Variants in GON4L observed in about 807,000 individuals in gnomAD.
GON4L encodes GON-4-like protein.
Under a neutral mutation model 211.8 loss-of-function variants are expected in GON4L, and 87 were observed. The observed-to-expected ratio is 0.41, with a 90% confidence interval of 0.35 to 0.49. The LOEUF (loss-of-function observed/expected upper bound fraction) is 0.49, where lower values mean the gene tolerates loss of function less well. Among genes scored for constraint, GON4L ranks in the 20% least tolerant of loss-of-function variants. GON4L has a pLI of 0.15. For missense variants in GON4L, 2,155 were observed against 2,659.5 expected (o/e 0.81, Z 4.17); for synonymous variants, 875 against 962.6 (o/e 0.91, Z 1.68).
chr1:155,856,179 C>CT (rs1249419129), intron 1 of GON4L, among the ~76,000 whole-genome samples: 1 of 151,912 alleles, frequency 6.6e-6, no homozygotes, highest in Non-Finnish European at 1.5e-5. Flanking sequence ...ATTTGTAACT[C>CT]TAAGCGTCTA....
At chr1:155,857,030 CTT>C (rs1187371945) in intron 1 of GON4L, 115 bp downstream of exon 1, 1 of 152,586 alleles carries the variant, frequency 6.6e-6, no homozygotes, top group Non-Finnish European at 1.5e-5. Flanking sequence ...ACTTCACGCC[CTT>C]AACTTCCGCC....
intron 1 of GON4L, 140 bp downstream of exon 1, chr1:155,857,007 A>T (rs1017083829): frequency 1.3e-5 from 2 of 152,364 alleles, no homozygotes; most frequent in Non-Finnish European, 2.9e-5. Context: ...CCCCATTCCC[A>T]ACTAGACACT....
intron 1 of GON4L, among the ~76,000 whole-genome samples, chr1:155,855,498 G>T (rs771166588): frequency 4.1e-4 from 62 of 151,952 alleles, no homozygotes; most frequent in Admixed American, 1.8e-3. Context: ...TTGGGATTAC[G>T]GTCCCATCCA....
intron 3 of GON4L, among the ~76,000 whole-genome samples, chr1:155,825,346 G>A (rs894425974): frequency 6.6e-6 from 1 of 151,766 alleles, no homozygotes; most frequent in Non-Finnish European, 1.5e-5. Context: ...GCCGAGGCGG[G>A]CAGATCACCT....
At chr1:155,851,579 G>A (rs1043949291) in intron 2 of GON4L, among the ~76,000 whole-genome samples, 4 of 151,790 alleles carry the variant, frequency 2.6e-5, no homozygotes, top group African/African-American at 4.8e-5. Context: ...AGCTGAGCAC[G>A]GTGGCGGGCG....
At chr1:155,745,608 C>T (rs1366950900), downstream of GON4L, among the ~76,000 whole-genome samples, 1 of 152,210 alleles carries the variant, frequency 6.6e-6, no homozygotes, top group African/African-American at 2.4e-5. Flanking sequence ...CGGCGTGGCC[C>T]GTGGAGCCCC....
intron 16 of GON4L, 135 bp from the exon 17 acceptor site, chr1:155,775,308 C>T (rs1663668146): frequency 2.7e-6 from 3 of 1,130,212 alleles, no homozygotes; most frequent in Admixed American, 2.0e-5. Context: ...AAGTCTTTCA[C>T]AATAAACTAC....
chr1:155,802,461 G>C lies in GON4L; in HGVS notation c.1645+2488C>G, dbSNP rs541637263. ...GAATCCAGCATATAGAGTATATCAT[G>C]TCACTTCTACTCAGATGCCTTCTCT... On this transcript the variant is annotated intron_variant, in intron 11 of 31. Coordinates refer to ENST00000368331, the MANE Select transcript of GON4L (RefSeq NM_001282860.2). Among the ~76,000 whole-genome samples the C allele has an allele frequency of 6.3e-4, 96 of 152,278 alleles. 1 individual carries two copies. Among genetic ancestry groups the C allele is most frequent in the African/African-American group, 2.3e-3 (95 of 41,560 alleles).
At chr1:155,828,889 G>A (rs1438441729) in intron 2 of GON4L, among the ~76,000 whole-genome samples, 1 of 151,582 alleles carries the variant, frequency 6.6e-6, no homozygotes, top group African/African-American at 2.4e-5. Flanking sequence ...GAAAATCCCT[G>A]GACTATACAC....
intron 19 of GON4L, 133 bp from the exon 20 acceptor site, chr1:155,767,674 C>T (rs1557839931): frequency 3.1e-6 from 5 of 1,588,286 alleles, no homozygotes; most frequent in East Asian, 2.2e-5. Flanking sequence ...AGACCACATA[C>T]ACAAACATCC....
intron 2 of GON4L, among the ~76,000 whole-genome samples, chr1:155,832,654 A>G (rs1376165070): frequency 2.0e-5 from 3 of 152,162 alleles, no homozygotes; most frequent in Non-Finnish European, 4.4e-5. Flanking sequence ...CAAACAAACA[A>G]ACAAACAATA....
chr1:155,776,259 C>T (rs1663806862), intron 16 of GON4L, 136 bp downstream of exon 16: 3 of 753,760 alleles, frequency 4.0e-6, no homozygotes, highest in South Asian at 1.5e-5. Context: ...GAAGCCTTAA[C>T]AGAAAGCAGG....
At chr1:155,799,296 T>G (rs982200839) in intron 11 of GON4L, among the ~76,000 whole-genome samples, 2 of 152,142 alleles carry the variant, frequency 1.3e-5, no homozygotes, top group African/African-American at 4.8e-5. Context: ...TAGCTGGGTA[T>G]GGTGGCATGT....
rs1662412585 is a variant in GON4L at position 155,765,942 on chromosome 1, A to T, written c.3531T>A (p.Thr1177=). 1.2e-6 allele frequency: 2 copies of T among 1,614,082 alleles called. No individual in the cohort carries two copies. Among genetic ancestry groups the T allele is most frequent in the African/African-American group, 1.3e-5 (1 of 74,932 alleles). The change falls in exon 21 of 32, where the codon ACT becomes ACA. Residue 1177 remains threonine, a synonymous_variant. Coordinates refer to ENST00000368331, the MANE Select transcript of GON4L (RefSeq NM_001282860.2). Reference sequence around the variant, plus strand: ...TAACCAAGAGGGTAGTGATGGGAATAGTCTGGGGACTCTGGGCCACAGCCG... The same window carrying T: ...TAACCAAGAGGGTAGTGATGGGAATTGTCTGGGGACTCTGGGCCACAGCCG... The part of the protein sequence containing the change: ...VNAAVAQSPQ[T]IPITTLLVNP...
At position 155,793,703 on chromosome 1, in the gene GON4L, G is replaced by C. The variant is rs543450157; in HGVS notation, c.1747+1347C>G. ...AGTTTGCTGAATCCTTGACCTCCTG[G>C]GCTGAAGCAATCCTCCTGCCTCAGC... On this transcript the variant is annotated intron_variant, in intron 12 of 31. Transcript: ENST00000368331. Among the ~76,000 whole-genome samples the C allele has an allele frequency of 6.5e-4, 99 of 151,850 alleles. 1 individual carries two copies. The highest frequency in any genetic ancestry group is 2.4e-3 in the African/African-American group (98 of 41,406).
intron 3 of GON4L, 87 bp from the exon 4 acceptor site, chr1:155,822,563 T>C (rs1571863181): frequency 1.1e-6 from 1 of 935,548 alleles, no homozygotes; most frequent in East Asian, 2.4e-5. Context: ...AGTGGATAAA[T>C]CTCAAAAGCA....
intron 2 of GON4L, among the ~76,000 whole-genome samples, chr1:155,830,652 T>C (rs1571886763): frequency 6.6e-6 from 1 of 152,106 alleles, no homozygotes; most frequent in South Asian, 2.1e-4. Context: ...AGTGGTACGA[T>C]CTCAGCTCAC....
At position 155,853,312 on chromosome 1, in the gene GON4L, A is replaced by T. The variant is rs1173792774; in HGVS notation, c.469T>A (p.Ser157Thr). The T allele has an allele frequency of 1.2e-6, 2 of 1,613,442 alleles. No homozygotes were observed. The highest frequency in any genetic ancestry group is 4.5e-5 in the East Asian group (2 of 44,888). ...TTGACTTCTTCACTAGGCTCTCCTG[A>T]AAAAGGCTCCTTTAGGGTAAGATGA... is the stretch of plus-strand genomic sequence containing the variant. ...CDHLTLKEPF[S>T]GEPSEEVKEE... is the part of the protein sequence containing the mutation. The change falls in exon 2 of 32, where the codon TCA becomes ACA. Residue 157 changes from serine (S) to threonine (T), a missense_variant. Physicochemically the swap from Ser to Thr is moderately conservative, Grantham distance 58. Around this residue, in one of 6 missense-constraint regions of GON4L, gnomAD observed 313 missense variants for 293.2 expected, o/e 1.07. Coordinates refer to ENST00000368331, the MANE Select transcript of GON4L (RefSeq NM_001282860.2).
intron 19 of GON4L, among the ~76,000 whole-genome samples, chr1:155,768,221 T>G (rs1662754996): frequency 6.7e-6 from 1 of 148,916 alleles, no homozygotes; most frequent in South Asian, 2.1e-4. Context: ...GAGAATTGCT[T>G]GAACCTGGGA....
Sources: allele counts gnomAD v4.1 joint callset (sites outside exome capture counted in the v4.1 genomes callset), GRCh38; gene constraint gnomAD v4.1.1; regional missense constraint gnomAD v4.1.1; transcripts MANE v1.5; gene names NCBI Gene and HGNC (gene_info 2026-07-23, HGNC 2026-07-21).